The following TAS2R1 variants were observed in gnomAD, a reference collection of about 807,000 sequenced individuals.
The protein encoded by TAS2R1 is taste receptor type 2 member 1.
For missense variants in TAS2R1, 370 were observed against 353.4 expected (o/e 1.05, Z -0.38); for synonymous variants, 141 against 134.2 (o/e 1.05, Z -0.35).
At chr5:9,669,718 A>T (rs1215671886) in intron 1 of TAS2R1, among the ~76,000 whole-genome samples, 3 of 152,202 alleles carry the variant, frequency 2.0e-5, no homozygotes, top group Non-Finnish European at 4.4e-5. Flanking sequence ...ACTAATGAAA[A>T]CAAAGATACA....
At chr5:9,650,817 A>G (rs1337186978) in intron 2 of TAS2R1, among the ~76,000 whole-genome samples, 1 of 152,212 alleles carries the variant, frequency 6.6e-6, no homozygotes, top group Non-Finnish European at 1.5e-5. Context: ...CTAGAATATA[A>G]AGTTCCATTA....
chr5:9,682,468 C>G lies in TAS2R1; in HGVS notation c.-241-22887G>C, dbSNP rs549689080. Among the ~76,000 whole-genome samples, 30 of 152,248 alleles carry G rather than the reference C, an allele frequency of 2.0e-4. No individual in the cohort carries two copies. In the South Asian group the frequency reaches 6.2e-3, roughly 32 times the overall value. ...AAGTAGAAAGAGAAGTGCCTTTCAC[C>G]CTGCTCAGCTTCATCTGCCAAACTC... is the stretch of plus-strand genomic sequence containing the variant. On this transcript the variant is annotated intron_variant, in intron 1 of 2. Transcript: ENST00000506620.
the TAS2R1 span, among the ~76,000 whole-genome samples, chr5:9,799,181 G>A: frequency 2.6e-5 from 4 of 152,134 alleles, no homozygotes. Context: ...TCATTTTTAG[G>A]ACATTAAAAC....
At chr5:9,674,012 G>A (rs931974752) in intron 1 of TAS2R1, among the ~76,000 whole-genome samples, 2 of 152,140 alleles carry the variant, frequency 1.3e-5, no homozygotes, top group Non-Finnish European at 1.5e-5. Flanking sequence ...TTTTTCATGC[G>A]CTTCTGAGAA....
chr5:9,744,667 A>G, the TAS2R1 span, among the ~76,000 whole-genome samples: 1 of 152,226 alleles, frequency 6.6e-6, no homozygotes, highest in Non-Finnish European at 1.5e-5. Context: ...TGTGGTGGGC[A>G]AAACAATGGC....
the TAS2R1 span, among the ~76,000 whole-genome samples, chr5:9,823,374 A>G: frequency 1.3e-5 from 2 of 151,748 alleles, no homozygotes; most frequent in African/African-American, 2.4e-5. Context: ...ATCTACTCAT[A>G]TGCTTTATAT....
At chr5:9,713,473 A>AC (rs1045927900), upstream of TAS2R1, among the ~76,000 whole-genome samples, 1 of 151,620 alleles carries the variant, frequency 6.6e-6, no homozygotes, top group African/African-American at 2.4e-5. Flanking sequence ...TGCGACTCCC[A>AC]CCCCCCACTG....
chr5:9,694,659 C>A (rs182281521), intron 1 of TAS2R1, among the ~76,000 whole-genome samples: 1 of 152,012 alleles, frequency 6.6e-6, no homozygotes, highest in Admixed American at 6.6e-5. Flanking sequence ...TTAAATCTAC[C>A]GTAACTCATG....
the TAS2R1 span, among the ~76,000 whole-genome samples, chr5:9,898,568 C>T: frequency 6.6e-6 from 1 of 152,202 alleles, no homozygotes; most frequent in Non-Finnish European, 1.5e-5. Context: ...AATTCTGCCA[C>T]AGAAATCAAT....
the TAS2R1 span, chr5:9,903,441 C>T: frequency 1.3e-5 from 2 of 152,040 alleles, no homozygotes; most frequent in East Asian, 3.8e-4. Flanking sequence ...GCAGTGTACA[C>T]TGTACCCAAT....
the TAS2R1 span, among the ~76,000 whole-genome samples, chr5:9,842,155 A>G: frequency 6.6e-6 from 1 of 151,506 alleles, no homozygotes; most frequent in Non-Finnish European, 1.5e-5. Context: ...GTCTGTCTCT[A>G]CTGTCCTTTG....
the TAS2R1 span, among the ~76,000 whole-genome samples, chr5:9,770,712 G>T: frequency 1.3e-5 from 2 of 151,902 alleles, no homozygotes; most frequent in Non-Finnish European, 2.9e-5. Context: ...TTCACTGTTG[G>T]CATATAGAAA....
chr5:9,780,330 C>T, the TAS2R1 span, among the ~76,000 whole-genome samples: 1 of 152,228 alleles, frequency 6.6e-6, no homozygotes, highest in Non-Finnish European at 1.5e-5. Context: ...CCCTCCACTG[C>T]ACTGAAAGGT....
At chr5:9,660,899 C>T (rs115079440) in intron 1 of TAS2R1, among the ~76,000 whole-genome samples, 1 of 152,124 alleles carries the variant, frequency 6.6e-6, no homozygotes, top group African/African-American at 2.4e-5. Flanking sequence ...GAGCTCAGGG[C>T]AGCCTTCACT....
At chr5:9,699,116 G>C (rs1741424292) in intron 1 of TAS2R1, among the ~76,000 whole-genome samples, 1 of 152,214 alleles carries the variant, frequency 6.6e-6, no homozygotes, top group Admixed American at 6.5e-5. Flanking sequence ...CAGAAGAATA[G>C]AGGTAAATTG....
At chr5:9,792,116 T>G in the TAS2R1 span, among the ~76,000 whole-genome samples, 1 of 152,174 alleles carries the variant, frequency 6.6e-6, no homozygotes, top group Admixed American at 6.5e-5. Context: ...CACACAAATT[T>G]GAAGTCCCAA....
At chr5:9,674,334 T>C (rs1187700308) in intron 1 of TAS2R1, among the ~76,000 whole-genome samples, 2 of 152,136 alleles carry the variant, frequency 1.3e-5, no homozygotes, top group African/African-American at 4.8e-5. Flanking sequence ...CAATAGTATA[T>C]CAACCACATG....
At chr5:9,828,495 T>C in the TAS2R1 span, among the ~76,000 whole-genome samples, 1 of 152,184 alleles carries the variant, frequency 6.6e-6, no homozygotes, top group Admixed American at 6.5e-5. Context: ...ATATAATGCT[T>C]CCAAAGTACC....
chr5:9,745,743 C>T, the TAS2R1 span, among the ~76,000 whole-genome samples: 1 of 152,138 alleles, frequency 6.6e-6, no homozygotes, highest in Admixed American at 6.5e-5. Flanking sequence ...GGACCCTTTC[C>T]TTATACCTTA....
Sources: allele counts gnomAD v4.1 joint callset (sites outside exome capture counted in the v4.1 genomes callset), GRCh38; gene constraint gnomAD v4.1.1; transcripts MANE v1.5; gene names NCBI Gene and HGNC (gene_info 2026-07-23, HGNC 2026-07-21).